ABCC12: variants seen among roughly 807,000 people sequenced by gnomAD.
ABCC12 encodes ATP-binding cassette sub-family C member 12.
A neutral mutation model predicts 151.1 loss-of-function variants in ABCC12; 142 were observed. The observed-to-expected ratio is 0.94, with a 90% confidence interval of 0.82 to 1.08. The LOEUF (loss-of-function observed/expected upper bound fraction) is 1.08, where lower values mean the gene tolerates loss of function less well. Ranked by LOEUF, ABCC12 falls within the 50% of genes least tolerant of loss-of-function variation. ABCC12 has a pLI of 0.00. For missense variants in ABCC12, 1,638 were observed against 1,691.1 expected, an observed-to-expected ratio of 0.97 and a Z score of 0.55; for synonymous variants, 645 against 646.4, an observed-to-expected ratio of 1.00 and a Z score of 0.03.
intron 11 of ABCC12, among the ~76,000 whole-genome samples, chr16:48,127,095 T>C (rs1964265631): frequency 6.6e-6 from 1 of 152,120 alleles, no homozygotes; most frequent in African/African-American, 2.4e-5. Context: ...TCGTTTCCAA[T>C]GAATACGTGG....
chr16:48,152,606 A>C (rs1025635827), intron 2 of ABCC12, among the ~76,000 whole-genome samples: 7 of 152,220 alleles, frequency 4.6e-5, no homozygotes, highest in African/African-American at 1.7e-4. Context: ...TTGGGGGAGA[A>C]TCATAGAATC....
intron 13 of ABCC12, among the ~76,000 whole-genome samples, chr16:48,118,853 A>T (rs911877217): frequency 2.6e-5 from 4 of 152,216 alleles, no homozygotes; most frequent in Non-Finnish European, 5.9e-5. Context: ...TACCTCCCTG[A>T]TCCTCACTCT....
At chr16:48,100,659 T>C (rs1418904258) in intron 23 of ABCC12, among the ~76,000 whole-genome samples, 1 of 152,230 alleles carries the variant, frequency 6.6e-6, no homozygotes, top group African/African-American at 2.4e-5. Flanking sequence ...GAGGTTGTCA[T>C]TGAACAAGCT....
intron 11 of ABCC12, among the ~76,000 whole-genome samples, chr16:48,126,422 A>G (rs535867873): frequency 9.2e-5 from 14 of 152,198 alleles, no homozygotes; most frequent in Middle Eastern, 6.8e-3. Context: ...TGAACAAAAA[A>G]CCCTGACCCC....
intron 26 of ABCC12, 144 bp downstream of exon 26, chr16:48,088,401 C>T (rs543545841): frequency 1.0e-6 from 1 of 1,000,880 alleles, no homozygotes; most frequent in East Asian, 2.6e-5. Context: ...ACCTGAAATC[C>T]TAATTTACAG....
At chr16:48,094,198 A>C (rs1210502033) in intron 24 of ABCC12, among the ~76,000 whole-genome samples, 1 of 152,264 alleles carries the variant, frequency 6.6e-6, no homozygotes, top group Non-Finnish European at 1.5e-5. Flanking sequence ...ACAAATGAAG[A>C]CATCTATCAA....
chr16:48,118,472 T>C (rs1218424928), intron 13 of ABCC12, among the ~76,000 whole-genome samples: 5 of 152,206 alleles, frequency 3.3e-5, no homozygotes, highest in Admixed American at 6.5e-5. Context: ...GGCCTTTAGG[T>C]TTCTGTCCTG....
chr16:48,086,956 A>G (rs1285456727), intron 27 of ABCC12, 137 bp from the exon 28 acceptor site: 2 of 726,350 alleles, frequency 2.8e-6, no homozygotes, highest in African/African-American at 3.4e-5. Flanking sequence ...AATAGTGCTC[A>G]GTACAGGACA....
intron 18 of ABCC12, among the ~76,000 whole-genome samples, chr16:48,109,621 A>G (rs1963617928): frequency 1.3e-5 from 2 of 152,364 alleles, no homozygotes; most frequent in South Asian, 2.1e-4. Context: ...TAGAGCCACC[A>G]TTATACTCGC....
rs1335894302 is a variant in ABCC12, at chr16:48,083,308, G to C, written c.*407C>G. 5.6e-6 allele frequency: 1 copy of C among 178,652 alleles called. No individual in the cohort carries two copies. The highest frequency in any genetic ancestry group is 2.4e-5 in the African/African-American group (1 of 41,992). The allele number at this position is 178,652 out of a possible 1,614,324, so 11.1% of individuals were successfully genotyped here. A position where few individuals can be genotyped will look rare whatever the true frequency, so the allele number is the denominator to read the frequency against. On this transcript the variant is annotated 3_prime_UTR_variant, in exon 31 of 31. Transcript: ENST00000311303. ...AGAAAATTCTGCTCTTTTTCCTTCT[G>C]ATAATGGGCAAGGAAACCTTGCAAA...
chr16:48,118,047 G>A (rs1963948152), intron 13 of ABCC12, among the ~76,000 whole-genome samples: 1 of 152,144 alleles, frequency 6.6e-6, no homozygotes, highest in Non-Finnish European at 1.5e-5. Flanking sequence ...CCAGGCTTTG[G>A]GGAGTTTGAC....
rs1445781381 is a variant in ABCC12 at position 48,086,813 on chromosome 16, G to A, written c.3642C>T (p.Asn1214=). ...PVLFVGTVRY[N]LDPFESHTDE... is the part of the protein sequence containing the mutation. ...CGGTGTGACTCTCAAAGGGATCCAA[G>A]TTGTACCTGCAATGAAGGAGAGGAG... Residue 1214 remains asparagine (N), a synonymous_variant, in exon 28 of 31, where the codon AAC becomes AAT. Transcript: ENST00000311303. The A allele has an allele frequency of 1.2e-6, 2 of 1,612,956 alleles. No homozygotes were observed. Among genetic ancestry groups the A allele is most frequent in the South Asian group, 1.1e-5 (1 of 90,770 alleles).
intron 27 of ABCC12, 95 bp downstream of exon 27, chr16:48,087,831 C>T: frequency 7.2e-7 from 1 of 1,384,424 alleles, no homozygotes; most frequent in Non-Finnish European, 9.9e-7. Flanking sequence ...CAGAACAGCT[C>T]CAGGCCAGCC....
chr16:48,087,828 G>A (rs1962685874), intron 27 of ABCC12, 98 bp downstream of exon 27: 1 of 1,339,180 alleles, frequency 7.5e-7, no homozygotes, highest in Non-Finnish European at 1.0e-6. Context: ...AGACAGAACA[G>A]CTCCAGGCCA....
At chr16:48,109,394 T>G (rs1341320777) in intron 18 of ABCC12, among the ~76,000 whole-genome samples, 1 of 152,216 alleles carries the variant, frequency 6.6e-6, no homozygotes, top group Admixed American at 6.5e-5. Context: ...AAAGGGATGC[T>G]GGATAAAGCA....
At chr16:48,153,171 T>C (rs1965139210) in intron 2 of ABCC12, among the ~76,000 whole-genome samples, 1 of 152,220 alleles carries the variant, frequency 6.6e-6, no homozygotes, top group South Asian at 2.1e-4. Flanking sequence ...AATCTAAATA[T>C]GGACTATAGA....
At chr16:48,105,024 T>C in intron 21 of ABCC12, 115 bp downstream of exon 21, 1 of 1,200,498 alleles carries the variant, frequency 8.3e-7, no homozygotes, top group Non-Finnish European at 1.2e-6. Context: ...GACTGCAAGC[T>C]CTATGAGGGC....
chr16:48,124,269 T>C lies in ABCC12; in HGVS notation c.1531A>G (p.Ile511Val), dbSNP rs1567453286. The part of the protein sequence containing the change: ...FVVRKGKILG[I>V]CGNVGSGKSS... The stretch of plus-strand genomic sequence containing the variant: ...TTTCCACTTCCCACATTCCCACATA[T>C]TCCCAAGATCTTCCCCTGCCAGAGA... The change falls in exon 12 of 31, where the codon ATA becomes GTA. Residue 511 changes from isoleucine to valine, a missense_variant. Transcript: ENST00000311303. 6.2e-7 allele frequency: 1 copy of C among 1,614,186 alleles called. No homozygotes were observed.
intron 29 of ABCC12, among the ~76,000 whole-genome samples, chr16:48,085,024 G>C (rs1417514022): frequency 6.6e-6 from 1 of 152,024 alleles, no homozygotes; most frequent in Non-Finnish European, 1.5e-5. Flanking sequence ...AGCATGCAGT[G>C]CCACGGCAGG....
Sources: gnomAD v4.1 joint callset for allele counts (sites outside exome capture counted in the v4.1 genomes callset) on GRCh38, gnomAD v4.1.1 for gene constraint, MANE v1.5 for transcripts, NCBI Gene and HGNC (gene_info 2026-07-23, HGNC 2026-07-21) for gene names.